Variants in PCDH15 observed in about 807,000 individuals in gnomAD.
PCDH15 encodes the protein protocadherin related 15, also known as protocadherin-15.
In PCDH15, 129 loss-of-function variants were observed where a neutral mutation model predicts 178.5. That is an observed-to-expected ratio of 0.72 (90% CI 0.63 to 0.84). PCDH15 has a LOEUF of 0.84. PCDH15 is among the 40% of genes least tolerant of loss of function. The pLI, the probability that PCDH15 is intolerant of heterozygous loss-of-function variation, is 0.00. For missense variants in PCDH15, 2,230 were observed against 2,099.9 expected, an observed-to-expected ratio of 1.06 and a Z score of -1.21; for synonymous variants, 800 against 732.0, an observed-to-expected ratio of 1.09 and a Z score of -1.50.
At chr10:54,737,899 A>G (rs1336197) in intron 1 of PCDH15, among the ~76,000 whole-genome samples, 59,176 of 151,766 alleles carry the variant, frequency 0.39, 11,710 homozygotes, top group African/African-American at 0.46. Context: ...TATCTATGCA[A>G]TATGTTAGAA....
At chr10:54,778,053 T>G (rs1489618009) in intron 1 of PCDH15, among the ~76,000 whole-genome samples, 1 of 152,200 alleles carries the variant, frequency 6.6e-6, no homozygotes, top group Non-Finnish European at 1.5e-5. Context: ...CAAGACATTA[T>G]GAAACAAGGA....
At chr10:54,829,528 CAA>C (rs1466143595) in intron 3 of PCDH15, among the ~76,000 whole-genome samples, 1 of 152,056 alleles carries the variant, frequency 6.6e-6, no homozygotes, top group African/African-American at 2.4e-5. Context: ...GTTTGAAACT[CAA>C]AAAAGTTAAA....
intron 2 of PCDH15, among the ~76,000 whole-genome samples, chr10:55,619,349 C>T (rs72788856): frequency 0.047 from 7,161 of 151,916 alleles, 264 homozygotes; most frequent in Middle Eastern, 0.1. Context: ...CAATAAGCAA[C>T]CACACTCTGC....
At chr10:54,395,204 TTA>T (rs1951049510) in intron 3 of PCDH15, among the ~76,000 whole-genome samples, 1 of 152,046 alleles carries the variant, frequency 6.6e-6, no homozygotes, top group Non-Finnish European at 1.5e-5. Context: ...TCTTTACAAT[TTA>T]TGTTTAGAGA....
At chr10:55,334,646 T>G (rs954099037) in intron 2 of PCDH15, among the ~76,000 whole-genome samples, 2 of 152,052 alleles carry the variant, frequency 1.3e-5, no homozygotes, top group Non-Finnish European at 2.9e-5. Flanking sequence ...CTGTATTGTA[T>G]TTCACTGTTT....
At chr10:54,445,522 T>C (rs1480693646) in intron 3 of PCDH15, among the ~76,000 whole-genome samples, 2 of 151,574 alleles carry the variant, frequency 1.3e-5, no homozygotes, top group Non-Finnish European at 3.0e-5. Context: ...AAATATGTCA[T>C]CATTACTTCT....
intron 3 of PCDH15, among the ~76,000 whole-genome samples, chr10:54,484,110 G>C (rs564948227): frequency 5.3e-4 from 81 of 151,962 alleles, no homozygotes; most frequent in Middle Eastern, 6.8e-3. Flanking sequence ...CAGCAATTTT[G>C]CTGTTGCAAT....
chr10:54,462,251 T>C (rs1472871150), intron 3 of PCDH15, among the ~76,000 whole-genome samples: 3 of 151,880 alleles, frequency 2.0e-5, no homozygotes, highest in South Asian at 2.1e-4. Context: ...AGTTGAACTA[T>C]TGTCTTTAGC....
At chr10:55,513,220 G>C (rs1311610674) in intron 2 of PCDH15, 1 of 152,112 alleles carries the variant, frequency 6.6e-6, no homozygotes, top group Non-Finnish European at 1.5e-5. Context: ...GAAAAGGCTA[G>C]TGTTTTCTGT....
chr10:54,464,279 CTA>C, intron 3 of PCDH15, among the ~76,000 whole-genome samples: 1 of 152,012 alleles, frequency 6.6e-6, no homozygotes, highest in African/African-American at 2.4e-5. Context: ...TTATAAATGA[CTA>C]AAACAAAAGG....
intron 33 of PCDH15, among the ~76,000 whole-genome samples, chr10:53,819,687 G>A (rs576268083): frequency 6.6e-6 from 1 of 151,934 alleles, no homozygotes; most frequent in African/African-American, 2.4e-5. Context: ...TAAATATTGA[G>A]AAAAAAGTGT....
At chr10:55,276,135 ATG>A (rs1427773330) in intron 1 of PCDH15, among the ~76,000 whole-genome samples, 1 of 150,850 alleles carries the variant, frequency 6.6e-6, no homozygotes, top group African/African-American at 2.4e-5. Flanking sequence ...AAATTTGTCT[ATG>A]TGTTTTTTTT....
At chr10:54,292,411 C>A (rs2059475987) in intron 8 of PCDH15, among the ~76,000 whole-genome samples, 1 of 152,130 alleles carries the variant, frequency 6.6e-6, no homozygotes, top group Non-Finnish European at 1.5e-5. Context: ...AAAACTGGAA[C>A]AAGACAGGGA....
intron 25 of PCDH15, among the ~76,000 whole-genome samples, chr10:53,906,374 C>T (rs1036151958): frequency 6.6e-6 from 1 of 151,910 alleles, no homozygotes; most frequent in African/African-American, 2.4e-5. Context: ...GCTTGGTTTA[C>T]ATTGCATTTA....
intron 2 of PCDH15, among the ~76,000 whole-genome samples, chr10:54,536,996 C>CT (rs2084613148): frequency 2.2e-5 from 2 of 92,700 alleles, no homozygotes; most frequent in Admixed American, 1.5e-4. Context: ...CAATTTGTTT[C>CT]CTTTTTTTTT....
intron 1 of PCDH15, among the ~76,000 whole-genome samples, chr10:55,225,390 A>T (rs12783772): frequency 0.32 from 49,271 of 151,854 alleles, 8,479 homozygotes; most frequent in Middle Eastern, 0.39. Context: ...AAAAGAAAAA[A>T]CCCCTTTAGA....
At chr10:54,233,091 A>C (rs2054248915) in intron 9 of PCDH15, among the ~76,000 whole-genome samples, 1 of 151,766 alleles carries the variant, frequency 6.6e-6, no homozygotes. Context: ...CCACAGGTGC[A>C]CACCACTATG....
At chr10:54,544,729 G>T (rs960397505) in intron 2 of PCDH15, among the ~76,000 whole-genome samples, 1 of 152,034 alleles carries the variant, frequency 6.6e-6, no homozygotes, top group Non-Finnish European at 1.5e-5. Flanking sequence ...AGTTCTAACG[G>T]CATACACGCA....
At chr10:55,199,481 A>T (rs909908548) in intron 1 of PCDH15, among the ~76,000 whole-genome samples, 13 of 152,074 alleles carry the variant, frequency 8.5e-5, no homozygotes, top group African/African-American at 3.1e-4. Flanking sequence ...TTAAAAGGGA[A>T]TGAGATCATA....
Sources: gnomAD v4.1 joint callset for allele counts (sites outside exome capture counted in the v4.1 genomes callset) on GRCh38, gnomAD v4.1.1 for gene constraint, MANE v1.5 for transcripts, NCBI Gene and HGNC (gene_info 2026-07-23, HGNC 2026-07-21) for gene names.